The following HPS5 variants were observed in gnomAD, a reference collection of about 807,000 sequenced individuals.
The protein encoded by HPS5 is BLOC-2 complex member HPS5.
A neutral mutation model predicts 128.0 loss-of-function variants in HPS5; 83 were observed. The ratio of observed to expected loss-of-function variants is 0.65; its 90% CI spans 0.54 to 0.78. The LOEUF is 0.78. Among genes scored for constraint, HPS5 ranks in the 30% least tolerant of loss-of-function variants. The pLI, the probability that HPS5 is intolerant of heterozygous loss-of-function variation, is 0.00. For missense variants in HPS5, 1,281 were observed against 1,326.2 expected (o/e 0.97, Z 0.53); for synonymous variants, 475 against 470.2 (o/e 1.01, Z -0.13).
chr11:18,288,888 G>A (rs980424179), intron 16 of HPS5, among the ~76,000 whole-genome samples: 1 of 152,080 alleles, frequency 6.6e-6, no homozygotes, highest in Non-Finnish European at 1.5e-5. Flanking sequence ...ATGTGTGTGT[G>A]TGTAGAGACA....
rs60995844 is a variant in HPS5, at chr11:18,281,805, C to T, written c.3329+145G>A. On this transcript the variant is annotated intron_variant, in intron 22 of 22. Transcript: ENST00000349215. ...GCTGTGAATGAAATATTACTTTAGC[C>T]TCTTCCCTTAATTACCACATCAGTC... is the stretch of plus-strand genomic sequence containing the variant. 701 of 918,298 alleles carry T rather than the reference C, an allele frequency of 7.6e-4. 6 individuals carry two copies. In the East Asian group the frequency reaches 0.016, roughly 21 times the overall value. The allele number at this position is 918,298 out of a possible 1,614,324, so 56.9% of individuals were successfully genotyped here.
chr11:18,318,720 A>G (rs1348254170), intron 1 of HPS5, among the ~76,000 whole-genome samples: 1 of 152,258 alleles, frequency 6.6e-6, no homozygotes, highest in Non-Finnish European at 1.5e-5. Flanking sequence ...TGCCAAATTT[A>G]GAAAGCCAAT....
rs11603387 is a variant in HPS5, at chr11:18,302,845, G to C, written c.897-1929C>G. Among the ~76,000 whole-genome samples, 884 of 121,390 alleles carry C rather than the reference G, an allele frequency of 7.3e-3. 14 individuals are homozygous for C. Among genetic ancestry groups the C allele is most frequent in the Non-Finnish European group, 0.012 (704 of 57,810 alleles). The allele number at this position is 121,390 out of a possible 152,430, so 79.6% of individuals were successfully genotyped here. ...AGCGGGGGGGGGGGGGGTGTCAGAG[G>C]ATCCCTGAGAAAGAGATACAGGATC... is the stretch of plus-strand genomic sequence containing the variant. On this transcript the variant is annotated intron_variant, in intron 8 of 22. Transcript: ENST00000349215.
chr11:18,281,855 G>T, intron 22 of HPS5, 95 bp downstream of exon 22: 1 of 1,388,318 alleles, frequency 7.2e-7, no homozygotes, highest in Non-Finnish European at 1.0e-6. Flanking sequence ...TTAGTGATGG[G>T]TCGGGACTAA....
Position 18,295,993 on chromosome 11 carries a change from G to T in HPS5, c.1634+6C>A. The T allele has an allele frequency of 6.2e-7, 1 of 1,612,740 alleles. No individual in the cohort carries two copies. The highest frequency in any genetic ancestry group is 8.5e-7 in the Non-Finnish European group (1 of 1,178,744). ...TGGAATTAAATGACAAGACTAATTG[G>T]TTTACCTTTCTTTGACAGCCTGAAG... On this transcript the variant is annotated splice_donor_region_variant and intron_variant, in intron 13 of 22. Transcript: ENST00000349215.
chr11:18,299,984 AAGG>A (rs1252931963), intron 9 of HPS5, among the ~76,000 whole-genome samples: 1 of 152,206 alleles, frequency 6.6e-6, no homozygotes, highest in Non-Finnish European at 1.5e-5. Context: ...GGGTAAGAGG[AAGG>A]AGAAGACAGG....
Position 18,281,382 on chromosome 11 carries a change from C to T in HPS5, c.3329+568G>A, listed in dbSNP as rs555556472. Among the ~76,000 whole-genome samples, 13 of 151,960 alleles carry T rather than the reference C, an allele frequency of 8.6e-5. No homozygotes were observed. The South Asian group carries it at 2.7e-3, about 32-fold the overall frequency. On this transcript the variant is annotated intron_variant, in intron 22 of 22. Coordinates refer to ENST00000349215, the MANE Select transcript of HPS5 (RefSeq NM_181507.2). ...GTACTGGGATTACAGGCATAAGCCA[C>T]CGTACCCAGCCAGGTACCAGTAATT... is the stretch of plus-strand genomic sequence containing the variant.
chr11:18,281,240 A>G (rs552584909), intron 22 of HPS5, among the ~76,000 whole-genome samples: 3 of 148,546 alleles, frequency 2.0e-5, no homozygotes, highest in Admixed American at 2.0e-4. Flanking sequence ...CACCATGTCC[A>G]GTTAATTTTT....
At chr11:18,286,306 AG>A (rs570617203) in intron 19 of HPS5, among the ~76,000 whole-genome samples, 29 of 152,282 alleles carry the variant, frequency 1.9e-4, no homozygotes, top group African/African-American at 6.0e-4. Context: ...GCACTTTGTG[AG>A]GCCAAGGCAG....
chr11:18,304,515 A>C (rs1384646317), intron 8 of HPS5, among the ~76,000 whole-genome samples: 8 of 152,184 alleles, frequency 5.3e-5, no homozygotes, highest in Admixed American at 4.6e-4. Context: ...ACCCGGCCTT[A>C]TAATTCACTT....
In HPS5 at chr11:18,310,909, T is replaced by C. The variant is rs77722090; in HGVS notation, c.309A>G (p.Glu103=). 3,399 of 1,614,128 alleles carry C rather than the reference T, an allele frequency of 2.1e-3. 3 individuals are homozygous for C. Among genetic ancestry groups the C allele is most frequent in the Non-Finnish European group, 2.6e-3 (3,100 of 1,179,998 alleles). Residue 103 remains glutamate, a synonymous_variant, in exon 5 of 23, where the codon GAA becomes GAG. Coordinates refer to ENST00000349215, the MANE Select transcript of HPS5 (RefSeq NM_181507.2). The part of the protein sequence containing the change: ...ATSQGLVVVW[E]LNQERRGKPE... ...GTTTCCCACGACGCTCTTGATTTAATTCCCAAACAACCACAAGACCTTGAC... is the reference window on the plus strand; with the variant it reads ...GTTTCCCACGACGCTCTTGATTTAACTCCCAAACAACCACAAGACCTTGAC...
intron 2 of HPS5, among the ~76,000 whole-genome samples, chr11:18,313,171 G>C (rs1863199698): frequency 6.6e-6 from 1 of 151,988 alleles, no homozygotes; most frequent in South Asian, 2.1e-4. Flanking sequence ...ATTGAAGGAA[G>C]TACATAGTTC....
In HPS5 at chr11:18,300,932, T is replaced by A; in HGVS notation, c.897-16A>T. 6.8e-7 allele frequency: 1 copy of A among 1,460,810 alleles called. No homozygotes were observed. Among genetic ancestry groups the A allele is most frequent in the Non-Finnish European group, 9.6e-7 (1 of 1,040,702 alleles). The allele number at this position is 1,460,810 out of a possible 1,614,324, so 90.5% of individuals were successfully genotyped here. A position where few individuals can be genotyped will look rare whatever the true frequency, so the allele number is the denominator to read the frequency against. ...ACAATGCTCACTGCAAGAGAAGAAG[T>A]GAAGAGAATTCAAGTGTGCTAGGAT... On this transcript the variant is annotated splice_polypyrimidine_tract_variant and intron_variant, in intron 8 of 22. Coordinates refer to ENST00000349215, the MANE Select transcript of HPS5 (RefSeq NM_181507.2).
chr11:18,284,853 C>T (rs954023534), intron 20 of HPS5, among the ~76,000 whole-genome samples: 8 of 152,118 alleles, frequency 5.3e-5, no homozygotes, highest in Admixed American at 3.3e-4. Context: ...GTTTTCCACG[C>T]CCTTGCTCTG....
chr11:18,293,891 T>C (rs1006301264), intron 14 of HPS5, among the ~76,000 whole-genome samples: 2 of 152,014 alleles, frequency 1.3e-5, no homozygotes, highest in Admixed American at 6.5e-5. Context: ...TAAGGTCAGA[T>C]AGAAGGCTGC....
At chr11:18,295,777 T>C (rs898893699) in intron 13 of HPS5, among the ~76,000 whole-genome samples, 19 of 152,114 alleles carry the variant, frequency 1.2e-4, no homozygotes, top group Admixed American at 9.2e-4. Context: ...CTCTTGAGGG[T>C]GGGGGCACCT....
intron 4 of HPS5, 124 bp downstream of exon 4, chr11:18,311,263 G>C (rs1862950165): frequency 1.4e-6 from 1 of 728,462 alleles, no homozygotes; most frequent in South Asian, 1.6e-5. Context: ...TGAGACACAG[G>C]AGTTTCACTG....
chr11:18,313,738 AC>A (rs1863271825), intron 2 of HPS5, among the ~76,000 whole-genome samples: 1 of 152,092 alleles, frequency 6.6e-6, no homozygotes, highest in Non-Finnish European at 1.5e-5. Flanking sequence ...ATAAAGTGAA[AC>A]CCCGTCTCTA....
intron 11 of HPS5, 139 bp downstream of exon 11, chr11:18,297,420 C>T (rs1861208781): frequency 2.7e-6 from 2 of 728,946 alleles, no homozygotes; most frequent in Non-Finnish European, 2.3e-6. Flanking sequence ...GAGCCACTAG[C>T]TGAACAAAAG....
Sources: gnomAD v4.1 joint callset for allele counts (sites outside exome capture counted in the v4.1 genomes callset) on GRCh38, gnomAD v4.1.1 for gene constraint, MANE v1.5 for transcripts, NCBI Gene and HGNC (gene_info 2026-07-23, HGNC 2026-07-21) for gene names.